Variants in MARK1 observed in about 807,000 individuals in gnomAD.
MARK1 encodes the protein serine/threonine-protein kinase MARK1.
Under a neutral mutation model 96.3 loss-of-function variants are expected in MARK1, and 40 were observed. The ratio of observed to expected loss-of-function variants is 0.42; its 90% CI spans 0.32 to 0.54. The LOEUF (loss-of-function observed/expected upper bound fraction) is 0.54, where lower values mean the gene tolerates loss of function less well. MARK1 is among the 20% of genes least tolerant of loss of function. The pLI is 0.16. For synonymous variants in MARK1, 317 were observed against 341.2 expected (o/e 0.93, Z 0.78); for missense variants, 719 against 984.6 (o/e 0.73, Z 3.61).
chr1:220,565,291 G>T (rs567282259), intron 1 of MARK1, among the ~76,000 whole-genome samples: 21 of 152,272 alleles, frequency 1.4e-4, no homozygotes, highest in Admixed American at 1.3e-3. Flanking sequence ...GAGCCTGTGG[G>T]TGTCTTTCAT....
At chr1:220,630,240 T>C (rs759780957) in intron 9 of MARK1, among the ~76,000 whole-genome samples, 4 of 152,238 alleles carry the variant, frequency 2.6e-5, no homozygotes, top group Admixed American at 6.5e-5. Flanking sequence ...TGGCCACTTA[T>C]GTATCTTTTT....
chr1:220,530,665 G>C (rs569564036), intron 1 of MARK1, among the ~76,000 whole-genome samples: 1 of 152,280 alleles, frequency 6.6e-6, no homozygotes, highest in African/African-American at 2.4e-5. Flanking sequence ...AGCTTCTCAT[G>C]TAAGAACACA....
Position 220,663,848 on chromosome 1 carries a change from C to G in MARK1, c.*1682C>G, listed in dbSNP as rs779899926. ...GTGTTCATTCAAAAAAAAATTGATG[C>G]AAATCTTTATTCACTTTCACTGGTG... is the stretch of plus-strand genomic sequence containing the variant. On this transcript the variant is annotated 3_prime_UTR_variant, in exon 18 of 18. Coordinates refer to ENST00000366917, the MANE Select transcript of MARK1 (RefSeq NM_018650.5). 1 of 152,162 alleles carries G rather than the reference C, an allele frequency of 6.6e-6. No homozygotes were observed. Among genetic ancestry groups the G allele is most frequent in the South Asian group, 2.1e-4 (1 of 4,814 alleles). The allele number at this position is 152,162 out of a possible 1,614,324, so 9.4% of individuals were successfully genotyped here.
At chr1:220,658,740 A>G (rs756973887) in intron 17 of MARK1, among the ~76,000 whole-genome samples, 29 of 152,374 alleles carry the variant, frequency 1.9e-4, no homozygotes, top group South Asian at 1.9e-3. Flanking sequence ...ATAAAACATA[A>G]TTAACTTTGG....
At chr1:220,557,909 C>G (rs1214184909) in intron 1 of MARK1, among the ~76,000 whole-genome samples, 1 of 151,932 alleles carries the variant, frequency 6.6e-6, no homozygotes, top group Non-Finnish European at 1.5e-5. Context: ...GCAGGTGGAT[C>G]ACTTGAGCCC....
At chr1:220,583,402 A>C (rs555216162) in intron 3 of MARK1, among the ~76,000 whole-genome samples, 1 of 152,298 alleles carries the variant, frequency 6.6e-6, no homozygotes, top group Non-Finnish European at 1.5e-5. Context: ...CCAAAATACA[A>C]AGTTCTTAAA....
chr1:220,629,003 T>TA (rs1667515308), intron 9 of MARK1, among the ~76,000 whole-genome samples: 2 of 152,102 alleles, frequency 1.3e-5, no homozygotes, highest in Admixed American at 1.3e-4. Context: ...TTCCAGTTGT[T>TA]AGAGATCTTC....
intron 1 of MARK1, chr1:220,576,759 G>A (rs1278568982): frequency 6.6e-6 from 1 of 152,142 alleles, no homozygotes; most frequent in East Asian, 1.9e-4. Context: ...TGCCTTATTT[G>A]TGCCTAACAC....
At chr1:220,557,457 G>C (rs1435921915) in intron 1 of MARK1, among the ~76,000 whole-genome samples, 1 of 152,080 alleles carries the variant, frequency 6.6e-6, no homozygotes, top group Non-Finnish European at 1.5e-5. Flanking sequence ...TACTCGGGAG[G>C]CTGAGGCATG....
At chr1:220,628,568 G>T (rs889076449) in intron 9 of MARK1, among the ~76,000 whole-genome samples, 1 of 152,078 alleles carries the variant, frequency 6.6e-6, no homozygotes, top group Non-Finnish European at 1.5e-5. Flanking sequence ...CATGCTGTGC[G>T]GGTTTTTCTT....
intron 13 of MARK1, among the ~76,000 whole-genome samples, chr1:220,648,855 A>G (rs1301053570): frequency 6.6e-6 from 1 of 152,092 alleles, no homozygotes; most frequent in Non-Finnish European, 1.5e-5. Flanking sequence ...CCTGTTTCCT[A>G]TTACGTATTT....
At chr1:220,578,928 C>T (rs2589577) in intron 1 of MARK1, among the ~76,000 whole-genome samples, 39,382 of 151,994 alleles carry the variant, frequency 0.26, 5,897 homozygotes, top group East Asian at 0.46. Context: ...CTGCAACTTC[C>T]GCCTCCCAGG....
chr1:220,541,973 G>T (rs987566013), intron 1 of MARK1, among the ~76,000 whole-genome samples: 1 of 152,100 alleles, frequency 6.6e-6, no homozygotes, highest in Admixed American at 6.6e-5. Context: ...CTCTCTTGCT[G>T]TATTCCTATG....
chr1:220,583,182 A>G (rs1168069112), intron 3 of MARK1, among the ~76,000 whole-genome samples: 1 of 152,210 alleles, frequency 6.6e-6, no homozygotes, highest in Non-Finnish European at 1.5e-5. Flanking sequence ...GCAGGTAATT[A>G]TCGCACATTT....
intron 14 of MARK1, 68 bp downstream of exon 14, chr1:220,650,788 C>A: frequency 1.8e-6 from 2 of 1,099,512 alleles, no homozygotes; most frequent in Non-Finnish European, 2.8e-6. Flanking sequence ...TGCTGAAATG[C>A]CTGCAGCCGA....
At chr1:220,530,332 A>G (rs978782600) in intron 1 of MARK1, among the ~76,000 whole-genome samples, 16 of 152,204 alleles carry the variant, frequency 1.1e-4, no homozygotes, top group African/African-American at 3.9e-4. Flanking sequence ...TGATTGAGAG[A>G]TTGAACAAGT....
At chr1:220,551,084 T>C (rs1239621312) in intron 1 of MARK1, among the ~76,000 whole-genome samples, 2 of 152,220 alleles carry the variant, frequency 1.3e-5, no homozygotes, top group Non-Finnish European at 2.9e-5. Flanking sequence ...CTCGTGTCTC[T>C]CACTGCCTTC....
chr1:220,554,207 GTCTAAAGTAGTCATTACT>G (rs1465539115), intron 1 of MARK1, among the ~76,000 whole-genome samples: 1 of 152,146 alleles, frequency 6.6e-6, no homozygotes, highest in Non-Finnish European at 1.5e-5. Context: ...TTATCACGGT[GTCTAAAGTAGTCATTACT>G]TCCTGCTCAC....
Position 220,662,577 on chromosome 1 carries a change from T to C in MARK1, c.*411T>C, listed in dbSNP as rs1182657609. 6.2e-6 allele frequency: 1 copy of C among 162,162 alleles called. No homozygotes were observed. The highest frequency in any genetic ancestry group is 2.4e-5 in the African/African-American group (1 of 41,636). The allele number at this position is 162,162 out of a possible 1,614,324, so 10.0% of individuals were successfully genotyped here. On this transcript the variant is annotated 3_prime_UTR_variant, in exon 18 of 18. Transcript: ENST00000366917. The stretch of plus-strand genomic sequence containing the variant: ...AATTCTTACCTCCATCATGCAATTT[T>C]GAAAATTGTGTCCAGAATTAAAAGT...
Sources: gnomAD v4.1 joint callset for allele counts (sites outside exome capture counted in the v4.1 genomes callset) on GRCh38, gnomAD v4.1.1 for gene constraint, MANE v1.5 for transcripts, NCBI Gene and HGNC (gene_info 2026-07-23, HGNC 2026-07-21) for gene names.